Variants in PTCD3 observed in about 807,000 individuals in gnomAD.
PTCD3 encodes the protein small ribosomal subunit protein mS39.
PTCD3 carries 89 observed loss-of-function variants against 101.9 expected under a neutral mutation model. The observed-to-expected ratio is 0.87, with a 90% CI of 0.74 to 1.04. The LOEUF is 1.04. PTCD3 is among the 50% of genes least tolerant of loss of function. The pLI, the probability that PTCD3 is intolerant of heterozygous loss-of-function variation, is 0.00. For missense variants in PTCD3, 870 were observed against 828.2 expected, an observed-to-expected ratio of 1.05 and a Z score of -0.62; for synonymous variants, 296 against 278.5, an observed-to-expected ratio of 1.06 and a Z score of -0.63.
At position 86,137,748 on chromosome 2, in the gene PTCD3, C is replaced by T. The variant is rs1674615012; in HGVS notation, c.*189C>T. ...TTTAAGCTGCTAATATGCTACTTAA[C>T]CATCTATTAATGCACCATTAAAGGC... is the stretch of plus-strand genomic sequence containing the variant. On this transcript the variant is annotated 3_prime_UTR_variant, in exon 24 of 24. Transcript: ENST00000254630. 1 of 721,774 alleles carries T rather than the reference C, an allele frequency of 1.4e-6. No individual in the cohort carries two copies. Among genetic ancestry groups the T allele is most frequent in the Non-Finnish European group, 2.2e-6 (1 of 459,900 alleles). 44.7% of individuals were successfully genotyped at this position (721,774 alleles called of 1,614,324 possible).
At chr2:86,116,984 C>T in intron 5 of PTCD3, 71 bp from the exon 6 acceptor site, 2 of 686,382 alleles carry the variant, frequency 2.9e-6, no homozygotes, top group Non-Finnish European at 5.2e-6. Flanking sequence ...GGGAGAAATT[C>T]TTGCTGAGAG....
At chr2:86,109,040 T>A (rs1674023711) in intron 3 of PTCD3, 1 of 152,874 alleles carries the variant, frequency 6.5e-6, no homozygotes, top group Non-Finnish European at 1.5e-5. Flanking sequence ...CAAAAGTGCT[T>A]GTTACAGTGT....
chr2:86,137,977 T>C lies in PTCD3; in HGVS notation c.*418T>C, dbSNP rs1428420913. ...GATGCTGGTCCTTCATCTTAGGTGT[T>C]CATGCAGTTCTAACACAGTTGGGGT... On this transcript the variant is annotated 3_prime_UTR_variant, in exon 24 of 24. Coordinates refer to ENST00000254630, the MANE Select transcript of PTCD3 (RefSeq NM_017952.6). 20 of 195,768 alleles carry C rather than the reference T, an allele frequency of 1.0e-4. No homozygotes were observed. Among genetic ancestry groups the C allele is most frequent in the Non-Finnish European group, 1.1e-5 (1 of 92,586 alleles). The allele number at this position is 195,768 out of a possible 1,614,324, so 12.1% of individuals were successfully genotyped here. A position where few individuals can be genotyped will look rare whatever the true frequency, so the allele number is the denominator to read the frequency against.
chr2:86,131,506 G>A (rs1362099030), intron 16 of PTCD3, among the ~76,000 whole-genome samples: 1 of 152,168 alleles, frequency 6.6e-6, no homozygotes, highest in South Asian at 2.1e-4. Context: ...CTGAGCCAAC[G>A]CGCCTGGCCT....
In PTCD3 at chr2:86,121,575, C is replaced by T; in HGVS notation, c.635C>T (p.Thr212Ile). 6.2e-7 allele frequency: 1 copy of T among 1,607,178 alleles called. No homozygotes were observed. Among genetic ancestry groups the T allele is most frequent in the Non-Finnish European group, 8.5e-7 (1 of 1,176,064 alleles). Residue 212 changes from threonine to isoleucine, a missense_variant, in exon 8 of 24, where the codon ACT (threonine) becomes ATT (isoleucine). Physicochemically the swap from Thr to Ile is moderately conservative, Grantham distance 89 (BLOSUM62 -1). Transcript: ENST00000254630. ...EPSTDYHFQQ[T>I]GQSEALEEEN... Reference sequence around the variant, plus strand: ...TCAACTGATTACCATTTTCAACAAACTGGACAGTCAGAAGCATTGGTAATA... The same window carrying T: ...TCAACTGATTACCATTTTCAACAAATTGGACAGTCAGAAGCATTGGTAATA...
In PTCD3 at chr2:86,137,068, C is replaced by T. The variant is rs1674599257; in HGVS notation, c.1907C>T (p.Ala636Val). The T allele has an allele frequency of 1.2e-6, 2 of 1,612,992 alleles. No homozygotes were observed. Among genetic ancestry groups the T allele is most frequent in the South Asian group, 2.2e-5 (2 of 90,836 alleles). The change falls in exon 23 of 24, where the codon GCC becomes GTC. Residue 636 changes from alanine (A) to valine (V), a missense_variant. Ala to Val is a moderately conservative substitution (Grantham distance 64). Coordinates refer to ENST00000254630, the MANE Select transcript of PTCD3 (RefSeq NM_017952.6). ...QAIEVVELASAFSLPICEGLT... is the reference protein window; with the variant it reads ...QAIEVVELASVFSLPICEGLT... ...ATTGAAGTAGTAGAGCTGGCAAGTG[C>T]CTTCAGCTTACCTATTTGTGAGGGC...
chr2:86,110,321 T>G (rs934445143), intron 3 of PTCD3, among the ~76,000 whole-genome samples: 3 of 152,222 alleles, frequency 2.0e-5, no homozygotes, highest in Non-Finnish European at 4.4e-5. Context: ...GGAATTAGTT[T>G]TGATGAAATA....
At chr2:86,106,675 C>T (rs1673957529) in intron 1 of PTCD3, among the ~76,000 whole-genome samples, 2 of 152,164 alleles carry the variant, frequency 1.3e-5, no homozygotes, top group South Asian at 2.1e-4. Flanking sequence ...AATTATCCGC[C>T]ATTACTCATT....
intron 3 of PTCD3, 104 bp from the exon 4 acceptor site, chr2:86,111,009 A>T: frequency 9.7e-7 from 1 of 1,031,380 alleles, no homozygotes; most frequent in Non-Finnish European, 1.5e-6. Flanking sequence ...TTCAGATGAG[A>T]TCTGCACTAT....
At chr2:86,129,555 T>C (rs1674458675) in intron 14 of PTCD3, among the ~76,000 whole-genome samples, 1 of 152,066 alleles carries the variant, frequency 6.6e-6, no homozygotes, top group Non-Finnish European at 1.5e-5. Flanking sequence ...GGCAGGAGGA[T>C]TGCTTGTGGC....
At chr2:86,121,991 G>A (rs1052497557) in intron 8 of PTCD3, among the ~76,000 whole-genome samples, 2 of 152,188 alleles carry the variant, frequency 1.3e-5, no homozygotes, top group African/African-American at 4.8e-5. Context: ...ACAGTAGTGT[G>A]CCGGGGCCCG....
chr2:86,127,250 G>GTT lies in PTCD3; in HGVS notation c.1043_1044dup (p.Ala349LeufsTer13). The GTT allele has an allele frequency of 6.2e-7, 1 of 1,614,054 alleles. No individual in the cohort carries two copies. Among genetic ancestry groups the GTT allele is most frequent in the Non-Finnish European group, 8.5e-7 (1 of 1,179,986 alleles). On this transcript the variant is annotated frameshift_variant, in exon 13 of 24. Transcript: ENST00000254630. LOFTEE classifies it high-confidence loss of function. ...TGAAATGTCTCCGAAGATTTCATGTGTTTGCAAGATCGCCAGCCTTACAGG... is the reference window on the plus strand; with the variant it reads ...TGAAATGTCTCCGAAGATTTCATGTGTTTTTGCAAGATCGCCAGCCTTACAGG...
intron 7 of PTCD3, among the ~76,000 whole-genome samples, chr2:86,120,801 G>A (rs1394066253): frequency 6.6e-6 from 1 of 152,152 alleles, no homozygotes; most frequent in South Asian, 2.1e-4. Context: ...AGGCTGAGGT[G>A]AGAGGATCAC....
intron 23 of PTCD3, 63 bp downstream of exon 23, chr2:86,137,203 A>G (rs1051672699): frequency 4.7e-6 from 7 of 1,480,138 alleles, no homozygotes; most frequent in South Asian, 1.3e-5. Flanking sequence ...TGCCCATTCA[A>G]AATGTTCATA....
At chr2:86,118,724 T>C (rs1268306304) in intron 6 of PTCD3, among the ~76,000 whole-genome samples, 197 bp from the exon 7 acceptor site, 1 of 152,212 alleles carries the variant, frequency 6.6e-6, no homozygotes, top group Middle Eastern at 3.2e-3. Context: ...ATACACAGCA[T>C]TAGAGATGAA....
chr2:86,108,655 G>A lies in PTCD3; in HGVS notation c.194+119G>A. 3.0e-6 allele frequency: 3 copies of A among 1,009,408 alleles called. No individual in the cohort carries two copies. The South Asian group carries it at 6.2e-5, about 21-fold the overall frequency. 62.5% of individuals were successfully genotyped at this position (1,009,408 alleles called of 1,614,324 possible). A position where few individuals can be genotyped will look rare whatever the true frequency, so the allele number is the denominator to read the frequency against. On this transcript the variant is annotated intron_variant, in intron 3 of 23. Coordinates refer to ENST00000254630, the MANE Select transcript of PTCD3 (RefSeq NM_017952.6). Reference sequence around the variant, plus strand: ...CAATAGGAGAGCATTCTTGAAGAGAGTAGCTGAGCGGGGAGAAGCTAGGAG... The same window carrying A: ...CAATAGGAGAGCATTCTTGAAGAGAATAGCTGAGCGGGGAGAAGCTAGGAG...
chr2:86,107,553 T>A (rs1169938010), intron 1 of PTCD3, among the ~76,000 whole-genome samples: 1 of 152,214 alleles, frequency 6.6e-6, no homozygotes, highest in East Asian at 1.9e-4. Context: ...TTGACTGTGT[T>A]TTTAGTGTGA....
chr2:86,112,352 G>A (rs1013166065), intron 4 of PTCD3, among the ~76,000 whole-genome samples: 2 of 140,724 alleles, frequency 1.4e-5, no homozygotes, highest in African/African-American at 5.1e-5. Flanking sequence ...CACAGTGCCC[G>A]GCCTTTTTTT....
chr2:86,110,749 A>G (rs929302607), intron 3 of PTCD3, among the ~76,000 whole-genome samples: 1 of 152,226 alleles, frequency 6.6e-6, no homozygotes, highest in East Asian at 1.9e-4. Context: ...CTGAATCAAG[A>G]GCTACCAATT....
Sources: gnomAD v4.1 joint callset for allele counts (sites outside exome capture counted in the v4.1 genomes callset) on GRCh38, gnomAD v4.1.1 for gene constraint, MANE v1.5 for transcripts, NCBI Gene and HGNC (gene_info 2026-07-23, HGNC 2026-07-21) for gene names.